The following SCD5 variants were observed in gnomAD, a reference collection of about 807,000 sequenced individuals.
SCD5 encodes acyl-CoA-desaturase 4.
Under a neutral mutation model 30.4 loss-of-function variants are expected in SCD5, and 20 were observed. The observed-to-expected ratio is 0.66, with a 90% CI of 0.46 to 0.96. SCD5 has a LOEUF of 0.96. Ranked by LOEUF, SCD5 falls within the 40% of genes least tolerant of loss-of-function variation. The pLI is 0.00. For synonymous variants in SCD5, 173 were observed against 176.4 expected (o/e 0.98, Z 0.16); for missense variants, 381 against 443.3 (o/e 0.86, Z 1.26).
At chr4:82,691,050 A>G (rs1405023870) in intron 2 of SCD5, among the ~76,000 whole-genome samples, 2 of 152,060 alleles carry the variant, frequency 1.3e-5, no homozygotes, top group Non-Finnish European at 2.9e-5. Context: ...TTTGAGATGG[A>G]GTCTCACTCT....
At chr4:82,632,533 A>G (rs924142595) in intron 4 of SCD5, among the ~76,000 whole-genome samples, 1 of 152,164 alleles carries the variant, frequency 6.6e-6, no homozygotes, top group Non-Finnish European at 1.5e-5. Flanking sequence ...ATGATTTACA[A>G]TCCTTTGGGT....
At chr4:82,786,939 G>T (rs929840411) in intron 1 of SCD5, among the ~76,000 whole-genome samples, 2 of 152,118 alleles carry the variant, frequency 1.3e-5, no homozygotes, top group South Asian at 4.2e-4. Context: ...CCACAGTCCC[G>T]CTCTACACAT....
At chr4:82,738,098 A>G (rs1578045844) in intron 1 of SCD5, among the ~76,000 whole-genome samples, 1 of 152,222 alleles carries the variant, frequency 6.6e-6, no homozygotes, top group Admixed American at 6.5e-5. Flanking sequence ...TACTTGATAA[A>G]AAAAGAACCA....
rs183314052 is a variant in SCD5 at position 82,746,515 on chromosome 4, A to G, written c.233-41102T>C. On this transcript the variant is annotated intron_variant, in intron 1 of 4. Coordinates refer to ENST00000319540, the MANE Select transcript of SCD5 (RefSeq NM_001037582.3). ...ACCTGAATTTTCTCTCTTCAGATCA[A>G]TCAGGTTCTTGTCTTAATTTCTTGA... is the stretch of plus-strand genomic sequence containing the variant. Among the ~76,000 whole-genome samples the G allele has an allele frequency of 2.6e-5, 4 of 152,256 alleles. No homozygotes were observed. In the East Asian group the frequency reaches 7.7e-4, roughly 29 times the overall value.
rs578132984 is a variant in SCD5 at position 82,688,940 on chromosome 4, G to T, written c.364-8028C>A. Among the ~76,000 whole-genome samples the T allele has an allele frequency of 1.1e-4, 16 of 152,274 alleles. No individual in the cohort carries two copies. In the East Asian group the frequency reaches 3.1e-3, roughly 29 times the overall value. On this transcript the variant is annotated intron_variant, in intron 2 of 4. Coordinates refer to ENST00000319540, the MANE Select transcript of SCD5 (RefSeq NM_001037582.3). ...GACAGTCATCTTGGCAAATAAGTTGGTCTTCTGGAAATCTTTCCAATTTGG... is the reference window on the plus strand; with the variant it reads ...GACAGTCATCTTGGCAAATAAGTTGTTCTTCTGGAAATCTTTCCAATTTGG...
chr4:82,778,080 A>G (rs2148850440), intron 1 of SCD5, among the ~76,000 whole-genome samples: 1 of 152,320 alleles, frequency 6.6e-6, no homozygotes, highest in East Asian at 1.9e-4. Flanking sequence ...ACATGGATGA[A>G]GCTGGAAGTT....
At chr4:82,688,015 TC>T (rs1560534221) in intron 2 of SCD5, among the ~76,000 whole-genome samples, 1 of 152,210 alleles carries the variant, frequency 6.6e-6, no homozygotes, top group Non-Finnish European at 1.5e-5. Flanking sequence ...TGATTGGTTT[TC>T]CCCTAGCCTA....
chr4:82,712,243 CATATAT>C (rs762732703), intron 1 of SCD5, among the ~76,000 whole-genome samples: 428 of 28,638 alleles, frequency 0.015, 5 homozygotes, highest in Non-Finnish European at 0.025. Flanking sequence ...GACCAACTAA[CATATAT>C]ATATATATAT....
intron 2 of SCD5, chr4:82,692,058 T>C (rs1353545439): frequency 6.6e-6 from 1 of 152,544 alleles, no homozygotes; most frequent in Non-Finnish European, 1.5e-5. Context: ...ATAAAATCCT[T>C]GGATCTTCAC....
rs1382042090 is a variant in SCD5 at position 82,798,442 on chromosome 4, G to C, written c.96C>G (p.Gly32=). The C allele has an allele frequency of 6.2e-7, 1 of 1,612,804 alleles. No individual in the cohort carries two copies. Among genetic ancestry groups the C allele is most frequent in the Non-Finnish European group, 8.5e-7 (1 of 1,179,532 alleles). Residue 32 remains glycine (G), a synonymous_variant, in exon 1 of 5, where the codon GGC becomes GGG. Coordinates refer to ENST00000319540, the MANE Select transcript of SCD5 (RefSeq NM_001037582.3). ...AGLESSEGGG[G]PERPGARGQR... ...GCCCGCGCGCGCCTGGCCTCTCCGGGCCGCCGCCGCCCTCAGAGCTTTCGA... is the reference window on the plus strand; with the variant it reads ...GCCCGCGCGCGCCTGGCCTCTCCGGCCCGCCGCCGCCCTCAGAGCTTTCGA...
chr4:82,757,694 T>C (rs900201949), intron 1 of SCD5, among the ~76,000 whole-genome samples: 2 of 152,312 alleles, frequency 1.3e-5, no homozygotes, highest in East Asian at 1.9e-4. Context: ...AAATCACTTA[T>C]CTTGTAGAGC....
intron 3 of SCD5, among the ~76,000 whole-genome samples, chr4:82,647,511 G>C (rs1228401675): frequency 6.6e-6 from 1 of 152,188 alleles, no homozygotes; most frequent in Non-Finnish European, 1.5e-5. Flanking sequence ...AAATGAACAG[G>C]CTGATATAAC....
At chr4:82,631,763 A>G (rs1432554035) in intron 4 of SCD5, among the ~76,000 whole-genome samples, 1 of 152,232 alleles carries the variant, frequency 6.6e-6, no homozygotes, top group Non-Finnish European at 1.5e-5. Flanking sequence ...ACATGATACC[A>G]TGACCTCAGA....
At chr4:82,735,837 A>C (rs974545983) in intron 1 of SCD5, among the ~76,000 whole-genome samples, 2 of 152,238 alleles carry the variant, frequency 1.3e-5, no homozygotes, top group African/African-American at 4.8e-5. Context: ...GTAGGAATTT[A>C]GTTCTGTATT....
intron 3 of SCD5, among the ~76,000 whole-genome samples, chr4:82,640,074 G>A (rs897542548): frequency 6.6e-5 from 10 of 152,252 alleles, no homozygotes; most frequent in Admixed American, 1.3e-4. Context: ...GCCGAGGCCC[G>A]CTCTGGCTCC....
intron 1 of SCD5, among the ~76,000 whole-genome samples, chr4:82,793,888 G>A (rs1227840345): frequency 6.6e-6 from 1 of 152,140 alleles, no homozygotes; most frequent in Non-Finnish European, 1.5e-5. Context: ...CTTGGGGCAA[G>A]ACAGAAGTCC....
intron 1 of SCD5, among the ~76,000 whole-genome samples, chr4:82,780,746 A>G (rs1721849186): frequency 6.6e-6 from 1 of 152,214 alleles, no homozygotes; most frequent in Non-Finnish European, 1.5e-5. Context: ...ATTCAGCAAA[A>G]ATTTATCTGA....
At chr4:82,741,834 G>A (rs1720878191) in intron 1 of SCD5, among the ~76,000 whole-genome samples, 1 of 137,260 alleles carries the variant, frequency 7.3e-6, no homozygotes, top group Non-Finnish European at 1.5e-5. Flanking sequence ...TCAAGGATAT[G>A]AAAAGGGGTC....
chr4:82,641,435 A>G (rs949314869), intron 3 of SCD5, among the ~76,000 whole-genome samples: 1 of 152,164 alleles, frequency 6.6e-6, no homozygotes, highest in African/African-American at 2.4e-5. Flanking sequence ...GAAGAAAAAA[A>G]GCAGAGAAGG....
Sources: gnomAD v4.1 joint callset for allele counts (sites outside exome capture counted in the v4.1 genomes callset) on GRCh38, gnomAD v4.1.1 for gene constraint, MANE v1.5 for transcripts, NCBI Gene and HGNC (gene_info 2026-07-23, HGNC 2026-07-21) for gene names.